The following ANKS1B variants were observed in gnomAD, a reference collection of about 807,000 sequenced individuals.
ANKS1B encodes the protein ankyrin repeat and sterile alpha motif domain-containing protein 1B.
Under a neutral mutation model 148.3 loss-of-function variants are expected in ANKS1B, and 36 were observed. The observed-to-expected ratio is 0.24, with a 90% CI of 0.19 to 0.32. The LOEUF (loss-of-function observed/expected upper bound fraction) is 0.32. ANKS1B is among the 10% of genes least tolerant of loss of function. The probability of loss-of-function intolerance (pLI) is 1.00; values close to 1 mark genes in which losing one functional copy is unlikely to be tolerated. For missense variants in ANKS1B, 1,157 were observed against 1,542.6 expected (o/e 0.75, Z 4.19); for synonymous variants, 542 against 560.8 (o/e 0.97, Z 0.47).
At chr12:99,672,006 A>C (rs73143666) in intron 8 of ANKS1B, among the ~76,000 whole-genome samples, 18,328 of 152,106 alleles carry the variant, frequency 0.12, 1,725 homozygotes, top group East Asian at 0.46. Context: ...AAAATTTTTT[A>C]AGTGGAAAAG....
intron 12 of ANKS1B, among the ~76,000 whole-genome samples, chr12:99,399,058 C>T (rs1265371999): frequency 2.0e-5 from 3 of 152,100 alleles, no homozygotes; most frequent in South Asian, 2.1e-4. Context: ...CCTTGCCAGG[C>T]GTTAGCTCCT....
intron 1 of ANKS1B, among the ~76,000 whole-genome samples, chr12:99,855,531 T>C (rs1285494877): frequency 2.0e-5 from 3 of 152,104 alleles, no homozygotes; most frequent in Non-Finnish European, 4.4e-5. Flanking sequence ...AAATAAACAA[T>C]GGCCTTAAAC....
intron 9 of ANKS1B, among the ~76,000 whole-genome samples, chr12:99,618,761 C>G (rs974856155): frequency 6.6e-6 from 1 of 151,882 alleles, no homozygotes; most frequent in African/African-American, 2.4e-5. Flanking sequence ...TTTCCCAGAC[C>G]CAGGACTGAG....
chr12:99,561,193 A>G (rs2153197635), intron 9 of ANKS1B, among the ~76,000 whole-genome samples: 1 of 152,186 alleles, frequency 6.6e-6, no homozygotes, highest in African/African-American at 2.4e-5. Flanking sequence ...ACATTAATTG[A>G]ATCTTTCTTT....
chr12:99,082,285 T>C (rs1405135857), intron 16 of ANKS1B, among the ~76,000 whole-genome samples: 1 of 152,044 alleles, frequency 6.6e-6, no homozygotes, highest in Admixed American at 6.6e-5. Flanking sequence ...AGCAGAGCAA[T>C]AGCAAGAACA....
Position 99,154,732 on chromosome 12 carries a change from A to G in ANKS1B, c.2420-337T>C, listed in dbSNP as rs1013385555. The G allele has an allele frequency of 9.0e-6, 13 of 1,439,852 alleles. No individual in the cohort carries two copies. The East Asian group carries it at 1.2e-4, about 14-fold the overall frequency. The allele number at this position is 1,439,852 out of a possible 1,614,324, so 89.2% of individuals were successfully genotyped here. A position where few individuals can be genotyped will look rare whatever the true frequency, so the allele number is the denominator to read the frequency against. ...GTCAGCTTGGGCTGGTCTGCGTTCT[A>G]TGTGATTGTTGGAGTACTCCACAAT... On this transcript the variant is annotated intron_variant, in intron 14 of 26. Coordinates refer to ENST00000683438, the MANE Select transcript of ANKS1B (RefSeq NM_001352186.2).
At chr12:99,170,618 C>G (rs565333019) in intron 14 of ANKS1B, among the ~76,000 whole-genome samples, 14 of 152,280 alleles carry the variant, frequency 9.2e-5, no homozygotes, top group African/African-American at 3.4e-4. Flanking sequence ...TGGTCCTGCG[C>G]CATCAGTGCA....
chr12:99,100,934 G>A lies in ANKS1B; in HGVS notation c.2527-15911C>T, dbSNP rs118104647. 4.1e-3 allele frequency among the ~76,000 whole-genome samples: 623 copies of A among 152,284 alleles called. 25 individuals are homozygous for A. The East Asian group carries it at 0.085, about 21-fold the overall frequency. On this transcript the variant is annotated intron_variant, in intron 15 of 26. Transcript: ENST00000683438. ...GATCAGGAAAGACATTTTGGGAAGC[G>A]GAACATCTCTGCTACCTGCTAAATG...
chr12:99,940,644 G>T (rs759134918), intron 1 of ANKS1B, among the ~76,000 whole-genome samples: 39 of 152,164 alleles, frequency 2.6e-4, no homozygotes, highest in Admixed American at 7.2e-4. Context: ...CTTACTTAAC[G>T]CTTCCAACTT....
intron 9 of ANKS1B, among the ~76,000 whole-genome samples, chr12:99,597,036 T>C (rs752592292): frequency 3.9e-4 from 60 of 152,078 alleles, no homozygotes; most frequent in Non-Finnish European, 7.1e-4. Context: ...CTATGCAATT[T>C]TATATTTCTA....
chr12:99,040,555 A>G (rs2099958330), intron 17 of ANKS1B, among the ~76,000 whole-genome samples: 3 of 152,154 alleles, frequency 2.0e-5, no homozygotes, highest in African/African-American at 7.2e-5. Flanking sequence ...GACACAATAC[A>G]TCTGTGAATA....
chr12:99,367,459 A>G (rs559551558), intron 12 of ANKS1B, among the ~76,000 whole-genome samples: 1 of 152,188 alleles, frequency 6.6e-6, no homozygotes. Flanking sequence ...AAGCTCTTTG[A>G]AAGAGAATTA....
chr12:99,510,497 G>C lies in ANKS1B; in HGVS notation c.1273-5856C>G, dbSNP rs2153027085. Among the ~76,000 whole-genome samples the C allele has an allele frequency of 2.6e-5, 4 of 152,066 alleles. 1 individual carries two copies. Among genetic ancestry groups the C allele is most frequent in the Admixed American group, 2.6e-4 (4 of 15,238 alleles). The stretch of plus-strand genomic sequence containing the variant: ...GGAGGAAGTAACTGCAGATGTGACG[G>C]ATAAATAGCAAGAGAACTGGAAGTG... On this transcript the variant is annotated intron_variant, in intron 9 of 26. Coordinates refer to ENST00000683438, the MANE Select transcript of ANKS1B (RefSeq NM_001352186.2).
At chr12:99,809,953 G>C (rs2068123448) in intron 3 of ANKS1B, among the ~76,000 whole-genome samples, 1 of 152,010 alleles carries the variant, frequency 6.6e-6, no homozygotes. Context: ...CTCTAAGGCT[G>C]TAACTCCATA....
chr12:99,124,437 T>C (rs1295115694), intron 15 of ANKS1B, among the ~76,000 whole-genome samples: 1 of 152,084 alleles, frequency 6.6e-6, no homozygotes, highest in Non-Finnish European at 1.5e-5. Context: ...TGTGTGTGTA[T>C]GTGTGTAAGG....
intron 12 of ANKS1B, among the ~76,000 whole-genome samples, chr12:99,356,549 A>C (rs2152411280): frequency 6.6e-6 from 1 of 152,296 alleles, no homozygotes; most frequent in Non-Finnish European, 1.5e-5. Context: ...GGCAAAGGAA[A>C]ATATTTAAAG....
intron 9 of ANKS1B, among the ~76,000 whole-genome samples, chr12:99,527,432 A>AAT (rs1448496342): frequency 6.6e-6 from 1 of 152,236 alleles, no homozygotes; most frequent in African/African-American, 2.4e-5. Context: ...AATATAGTAC[A>AAT]ATATAGAGGT....
At chr12:98,874,929 T>A (rs932878902) in intron 17 of ANKS1B, among the ~76,000 whole-genome samples, 23 of 152,186 alleles carry the variant, frequency 1.5e-4, no homozygotes, top group Non-Finnish European at 7.4e-5. Flanking sequence ...AATTTTAGGT[T>A]CAAAAAGCTA....
At chr12:98,835,712 T>C (rs1007912844) in intron 17 of ANKS1B, among the ~76,000 whole-genome samples, 1 of 152,026 alleles carries the variant, frequency 6.6e-6, no homozygotes, top group Non-Finnish European at 1.5e-5. Context: ...CAGATGAGGG[T>C]GGACGGATGA....
Sources: allele counts gnomAD v4.1 joint callset (sites outside exome capture counted in the v4.1 genomes callset), GRCh38; gene constraint gnomAD v4.1.1; transcripts MANE v1.5; gene names NCBI Gene and HGNC (gene_info 2026-07-23, HGNC 2026-07-21).